Variants in PTPN22 observed in about 807,000 individuals in gnomAD.
PTPN22 encodes tyrosine-protein phosphatase non-receptor type 22.
A neutral mutation model predicts 103.3 loss-of-function variants in PTPN22; 85 were observed. The ratio of observed to expected loss-of-function variants is 0.82; its 90% confidence interval spans 0.69 to 0.99. The LOEUF (loss-of-function observed/expected upper bound fraction) is 0.99, where lower values mean the gene tolerates loss of function less well. Among genes scored for constraint, PTPN22 ranks in the 50% least tolerant of loss-of-function variants. The pLI is 0.00. For synonymous variants in PTPN22, 323 were observed against 310.2 expected, an observed-to-expected ratio of 1.04 and a Z score of -0.43; for missense variants, 865 against 936.9, an observed-to-expected ratio of 0.92 and a Z score of 1.00.
intron 18 of PTPN22, among the ~76,000 whole-genome samples, chr1:113,828,041 C>T (rs1662239053): frequency 6.6e-6 from 1 of 152,150 alleles, no homozygotes; most frequent in African/African-American, 2.4e-5. Context: ...GCATACCATG[C>T]TCATTTATTT....
At chr1:113,834,674 T>A (rs1662825943) in intron 14 of PTPN22, among the ~76,000 whole-genome samples, 1 of 152,018 alleles carries the variant, frequency 6.6e-6, no homozygotes, top group South Asian at 2.1e-4. Flanking sequence ...TCCTCTCACC[T>A]CCACCATCCA....
At chr1:113,856,266 C>A in intron 7 of PTPN22, 116 bp downstream of exon 7, 1 of 1,347,548 alleles carries the variant, frequency 7.4e-7, no homozygotes, top group Non-Finnish European at 9.7e-7. Flanking sequence ...TCATTCATGA[C>A]ATCAAAGACC....
chr1:113,838,638 C>A lies in PTPN22; in HGVS notation c.916-18G>T. ...GCTTGACTCTTTAAAAGAAATAAGTCAGAGGCTGGTTTTCAGTGAAGCAAT... is the reference window on the plus strand; with the variant it reads ...GCTTGACTCTTTAAAAGAAATAAGTAAGAGGCTGGTTTTCAGTGAAGCAAT... On this transcript the variant is annotated intron_variant, in intron 11 of 20. Transcript: ENST00000359785. The A allele has an allele frequency of 6.2e-7, 1 of 1,606,546 alleles. No individual in the cohort carries two copies. The highest frequency in any genetic ancestry group is 1.1e-5 in the South Asian group (1 of 88,720).
intron 13 of PTPN22, among the ~76,000 whole-genome samples, chr1:113,837,177 C>A (rs1006352766): frequency 2.6e-5 from 4 of 151,784 alleles, no homozygotes; most frequent in Non-Finnish European, 4.4e-5. Flanking sequence ...GCAGGCTAGG[C>A]GTGGTGGCTC....
intron 1 of PTPN22, among the ~76,000 whole-genome samples, chr1:113,870,472 G>A (rs1350570368): frequency 6.6e-6 from 1 of 152,098 alleles, no homozygotes; most frequent in Admixed American, 6.5e-5. Flanking sequence ...TGATATCTCA[G>A]CTTGTAGGGT....
intron 1 of PTPN22, among the ~76,000 whole-genome samples, chr1:113,868,373 A>T (rs1341919313): frequency 2.6e-5 from 4 of 152,212 alleles, no homozygotes; most frequent in Non-Finnish European, 5.9e-5. Context: ...AACCTCGGAA[A>T]CATAAAATCC....
chr1:113,825,067 C>A, intron 19 of PTPN22, 75 bp downstream of exon 19: 3 of 1,049,176 alleles, frequency 2.9e-6, no homozygotes, highest in Non-Finnish European at 4.1e-6. Context: ...AATCTTTTCA[C>A]AATATTGGTT....
chr1:113,857,634 T>A lies in PTPN22; in HGVS notation c.408+104A>T, dbSNP rs1665194140. On this transcript the variant is annotated intron_variant, in intron 5 of 20. Transcript: ENST00000359785. ...CAAACTGAAAACTATGAAGATGACA[T>A]AAGTTTTATCTAGGTACACTCAGGT... The A allele has an allele frequency of 2.9e-6, 3 of 1,044,872 alleles. No homozygotes were observed. In the East Asian group the frequency reaches 7.7e-5, roughly 27 times the overall value. 64.7% of individuals were successfully genotyped at this position (1,044,872 alleles called of 1,614,324 possible). A position where few individuals can be genotyped will look rare whatever the true frequency, so the allele number is the denominator to read the frequency against.
chr1:113,839,303 C>T (rs1011637754), intron 11 of PTPN22, among the ~76,000 whole-genome samples: 1 of 152,092 alleles, frequency 6.6e-6, no homozygotes, highest in Non-Finnish European at 1.5e-5. Context: ...TGGCCTCAAA[C>T]TTCTGGGCTC....
intron 4 of PTPN22, 143 bp from the exon 5 acceptor site, chr1:113,857,919 G>A: frequency 1.5e-6 from 1 of 659,164 alleles, no homozygotes; most frequent in Non-Finnish European, 2.5e-6. Flanking sequence ...AAATCCTGGT[G>A]ACTTATAAAA....
At chr1:113,816,780 G>A (rs1661186736) in intron 20 of PTPN22, among the ~76,000 whole-genome samples, 1 of 152,080 alleles carries the variant, frequency 6.6e-6, no homozygotes, top group Non-Finnish European at 1.5e-5. Context: ...ATGGTGGCGG[G>A]TGCCTGTAAT....
At chr1:113,834,214 C>T in intron 15 of PTPN22, 95 bp downstream of exon 15, 1 of 1,288,912 alleles carries the variant, frequency 7.8e-7, no homozygotes, top group Non-Finnish European at 1.1e-6. Context: ...TTAGTATGTG[C>T]TTAGGATTTA....
chr1:113,847,099 A>G (rs1196399973), intron 11 of PTPN22, among the ~76,000 whole-genome samples: 1 of 126,358 alleles, frequency 7.9e-6, no homozygotes, highest in East Asian at 2.3e-4. Context: ...CTATTGTTCT[A>G]CTTTTCAATT....
intron 1 of PTPN22, among the ~76,000 whole-genome samples, chr1:113,861,885 A>C (rs1665642821): frequency 6.6e-6 from 1 of 152,160 alleles, no homozygotes; most frequent in African/African-American, 2.4e-5. Context: ...AAGATATGAG[A>C]TCTAAAGGGT....
At chr1:113,833,872 T>C (rs1234994571) in intron 15 of PTPN22, among the ~76,000 whole-genome samples, 1 of 152,208 alleles carries the variant, frequency 6.6e-6, no homozygotes, top group Admixed American at 6.5e-5. Context: ...AAACATGATA[T>C]AGCCTACCAA....
At chr1:113,838,061 T>C (rs753218597) in exon 13 of PTPN22, 8 of 1,613,760 alleles carry the variant, frequency 5.0e-6, no homozygotes. Flanking sequence ...GTTGATTTGG[T>C]CCGTGTTATT....
In PTPN22 at chr1:113,837,877, T is replaced by TG; in HGVS notation, c.1522dup (p.Gln508ProfsTer4). On this transcript the variant is annotated frameshift_variant, in exon 13 of 21. Coordinates refer to ENST00000359785, the Ensembl canonical transcript of PTPN22. LOFTEE classifies it high-confidence loss of function. ...CTTTACATTAGAGGCATTACGTATTTGGTGTTTAGAGTCATATGGCAGTGA... is the reference window on the plus strand; with the variant it reads ...CTTTACATTAGAGGCATTACGTATTTGGGTGTTTAGAGTCATATGGCAGTGA... The TG allele has an allele frequency of 6.2e-7, 1 of 1,614,130 alleles. No homozygotes were observed. The highest frequency in any genetic ancestry group is 8.5e-7 in the Non-Finnish European group (1 of 1,180,004).
At chr1:113,837,320 C>T (rs1448234007) in intron 13 of PTPN22, among the ~76,000 whole-genome samples, 1 of 151,360 alleles carries the variant, frequency 6.6e-6, no homozygotes, top group South Asian at 2.1e-4. Flanking sequence ...CGTGGTGGCG[C>T]GCGCCTGTAA....
At position 113,825,284 on chromosome 1, in the gene PTPN22, A is replaced by G. The variant is rs1661954402; in HGVS notation, c.2251-112T>C. ...GAATTTAATTTCCTTAAAAATAGCC[A>G]TGAAAATGTACAAAGTTGTTTTTCC... On this transcript the variant is annotated intron_variant, in intron 18 of 20. Coordinates refer to ENST00000359785, the Ensembl canonical transcript of PTPN22. 5.6e-6 allele frequency: 4 copies of G among 713,936 alleles called. No individual in the cohort carries two copies. The Admixed American group carries it at 9.9e-5, about 18-fold the overall frequency. The allele number at this position is 713,936 out of a possible 1,614,324, so 44.2% of individuals were successfully genotyped here.
Sources: gnomAD v4.1 joint callset for allele counts (sites outside exome capture counted in the v4.1 genomes callset) on GRCh38, gnomAD v4.1.1 for gene constraint, MANE v1.5 for transcripts, NCBI Gene and HGNC (gene_info 2026-07-23, HGNC 2026-07-21) for gene names.